Variants in KIFAP3 observed in about 807,000 individuals in gnomAD.
The protein encoded by KIFAP3 is kinesin associated protein 3, also known as kinesin-associated protein 3.
A neutral mutation model predicts 106.5 loss-of-function variants in KIFAP3; 68 were observed. The ratio of observed to expected loss-of-function variants is 0.64; its 90% CI spans 0.53 to 0.78. The LOEUF (loss-of-function observed/expected upper bound fraction) is 0.78, where lower values mean the gene tolerates loss of function less well. Ranked by LOEUF, KIFAP3 falls within the 30% of genes least tolerant of loss-of-function variation. The pLI is 0.00. For missense variants in KIFAP3, 780 were observed against 941.8 expected (o/e 0.83, Z 2.25); for synonymous variants, 320 against 311.5 (o/e 1.03, Z -0.29).
intron 10 of KIFAP3, among the ~76,000 whole-genome samples, chr1:169,994,054 T>G (rs529745006): frequency 1.4e-4 from 22 of 152,244 alleles, no homozygotes; most frequent in Admixed American, 2.6e-4. Flanking sequence ...AGGTATTTAA[T>G]AATTGTTGAT....
Position 169,962,211 on chromosome 1 carries a change from A to G in KIFAP3, c.1984-976T>C, listed in dbSNP as rs887037192. Among the ~76,000 whole-genome samples, 3 of 152,158 alleles carry G rather than the reference A, an allele frequency of 2.0e-5. No homozygotes were observed. In the East Asian group the frequency reaches 5.8e-4, roughly 29 times the overall value. ...TATTTAGTTGTAATTATTTCTTTAA[A>G]TGCTTCTTGTTTTGATCATAAACTC... On this transcript the variant is annotated intron_variant, in intron 17 of 19. Transcript: ENST00000361580.
chr1:170,051,503 A>G (rs1670573874), intron 2 of KIFAP3, among the ~76,000 whole-genome samples: 2 of 152,256 alleles, frequency 1.3e-5, no homozygotes, highest in Admixed American at 1.3e-4. Context: ...CCTAATAGAC[A>G]TCCACAGAAC....
intron 9 of KIFAP3, among the ~76,000 whole-genome samples, chr1:170,020,514 C>G (rs1244042519): frequency 6.6e-6 from 1 of 152,110 alleles, no homozygotes; most frequent in Non-Finnish European, 1.5e-5. Context: ...GAGCGACGAT[C>G]TTGGCTCACT....
intron 3 of KIFAP3, chr1:170,041,794 T>TTA (rs1368722274): frequency 6.6e-7 from 1 of 1,522,894 alleles, no homozygotes; most frequent in Non-Finnish European, 8.8e-7. Context: ...GTTGGCCTCC[T>TTA]TAAAGGTCGT....
intron 10 of KIFAP3, among the ~76,000 whole-genome samples, chr1:170,004,192 CAGTGA>C (rs1369138990): frequency 1.3e-5 from 2 of 150,256 alleles, no homozygotes; most frequent in Non-Finnish European, 3.0e-5. Context: ...AACCACTGCT[CAGTGA>C]AATAAAAGAG....
chr1:170,060,589 G>T (rs1671094396), intron 1 of KIFAP3, among the ~76,000 whole-genome samples: 1 of 152,064 alleles, frequency 6.6e-6, no homozygotes, highest in African/African-American at 2.4e-5. Flanking sequence ...ATACCGCCTA[G>T]GTAATTTATA....
chr1:169,936,095 C>T (rs1325178706), intron 19 of KIFAP3, among the ~76,000 whole-genome samples: 1 of 151,886 alleles, frequency 6.6e-6, no homozygotes, highest in Non-Finnish European at 1.5e-5. Flanking sequence ...TGCATTTTAA[C>T]AAATCCTTTA....
At chr1:170,013,667 C>T (rs779695163) in intron 10 of KIFAP3, among the ~76,000 whole-genome samples, 8 of 151,972 alleles carry the variant, frequency 5.3e-5, no homozygotes, top group Non-Finnish European at 1.2e-4. Context: ...GGATTTGCTA[C>T]GATGTGTCAG....
chr1:169,990,418 GATTATGCAA>G (rs1359072410), intron 11 of KIFAP3, among the ~76,000 whole-genome samples: 21 of 151,536 alleles, frequency 1.4e-4, no homozygotes, highest in East Asian at 1.4e-3. Context: ...CAGGAATGCA[GATTATGCAA>G]AGATAGCATT....
intron 18 of KIFAP3, among the ~76,000 whole-genome samples, chr1:169,960,746 G>C (rs1184940151): frequency 6.6e-6 from 1 of 152,026 alleles, no homozygotes; most frequent in African/African-American, 2.4e-5. Context: ...TTGAACGGAA[G>C]TCAGAAATCT....
intron 13 of KIFAP3, 107 bp from the exon 14 acceptor site, chr1:169,982,974 A>G (rs1666607757): frequency 1.4e-6 from 1 of 692,238 alleles, no homozygotes; most frequent in Admixed American, 3.9e-5. Flanking sequence ...TAAATATCAA[A>G]TGTGATTTTC....
chr1:170,010,948 A>G lies in KIFAP3; in HGVS notation c.1183+5514T>C, dbSNP rs1571659102. Among the ~76,000 whole-genome samples, 6 of 151,928 alleles carry G rather than the reference A, an allele frequency of 3.9e-5. No homozygotes were observed. In the South Asian group the frequency reaches 1.2e-3, roughly 31 times the overall value. On this transcript the variant is annotated intron_variant, in intron 10 of 19. Coordinates refer to ENST00000361580, the MANE Select transcript of KIFAP3 (RefSeq NM_014970.4). ...AAAAATAAGTAATTTCTATATATGA[A>G]ATAGGTAATTCTTTAATTCAGTCAA...
intron 3 of KIFAP3, among the ~76,000 whole-genome samples, chr1:170,046,444 CT>C (rs1670261402): frequency 6.6e-6 from 1 of 151,992 alleles, no homozygotes; most frequent in African/African-American, 2.4e-5. Context: ...CAGACATTTC[CT>C]TTTTTATTCT....
intron 1 of KIFAP3, among the ~76,000 whole-genome samples, chr1:170,057,605 T>A (rs981030200): frequency 3.3e-5 from 5 of 151,594 alleles, no homozygotes; most frequent in African/African-American, 1.2e-4. Flanking sequence ...TTTTTTTTTT[T>A]AACAGAAGAG....
rs1479133315 is a variant in KIFAP3 at position 170,038,173 on chromosome 1, TAAG to T, written c.517+114_517+116del. On this transcript the variant is annotated intron_variant, in intron 5 of 19. Coordinates refer to ENST00000361580, the MANE Select transcript of KIFAP3 (RefSeq NM_014970.4). ...ATATTTAAATGCTACACTCTCAATT[TAAG>T]AAATCTGAGTAAGAAAGAAATAAAG... 9.9e-6 allele frequency: 8 copies of T among 805,748 alleles called. No individual in the cohort carries two copies. In the African/African-American group the frequency reaches 1.4e-4, roughly 14 times the overall value. The allele number at this position is 805,748 out of a possible 1,614,324, so 49.9% of individuals were successfully genotyped here.
At chr1:169,930,289 G>A (rs12083317) in intron 19 of KIFAP3, among the ~76,000 whole-genome samples, 1 of 152,080 alleles carries the variant, frequency 6.6e-6, no homozygotes. Flanking sequence ...CGCTTGTCGT[G>A]TACTGTCATG....
chr1:169,985,365 G>T lies in KIFAP3; in HGVS notation c.1285-675C>A, dbSNP rs1472615961. Among the ~76,000 whole-genome samples, 3 of 151,780 alleles carry T rather than the reference G, an allele frequency of 2.0e-5. No homozygotes were observed. The Admixed American group carries it at 2.0e-4, about 10-fold the overall frequency. ...GTGTCTGAACTAGGTAGAGATAAAA[G>T]GATTGATTAGACATATATTTAGAAA... On this transcript the variant is annotated intron_variant, in intron 11 of 19. Coordinates refer to ENST00000361580, the MANE Select transcript of KIFAP3 (RefSeq NM_014970.4).
intron 19 of KIFAP3, among the ~76,000 whole-genome samples, chr1:169,922,377 T>C (rs1178619737): frequency 6.6e-6 from 1 of 152,156 alleles, no homozygotes; most frequent in Non-Finnish European, 1.5e-5. Context: ...GATTCCTCAA[T>C]GCAAACAATT....
chr1:169,941,173 T>C (rs1323955718), intron 19 of KIFAP3, among the ~76,000 whole-genome samples: 1 of 152,212 alleles, frequency 6.6e-6, no homozygotes, highest in Non-Finnish European at 1.5e-5. Context: ...ATAGGTCTAT[T>C]TGAAAACAAT....
Sources: allele counts gnomAD v4.1 joint callset (sites outside exome capture counted in the v4.1 genomes callset), GRCh38; gene constraint gnomAD v4.1.1; transcripts MANE v1.5; gene names NCBI Gene and HGNC (gene_info 2026-07-23, HGNC 2026-07-21).